Variants in NOS1 observed in about 807,000 individuals in gnomAD.
The protein encoded by NOS1 is nitric oxide synthase 1, also known as NOS type I.
In NOS1, 51 loss-of-function variants were observed where a neutral mutation model predicts 164.5. That is an observed-to-expected ratio of 0.31 (90% CI 0.25 to 0.39). The LOEUF (loss-of-function observed/expected upper bound fraction) is 0.39. Among genes scored for constraint, NOS1 ranks in the 10% least tolerant of loss-of-function variants. The pLI is 1.00. For synonymous variants in NOS1, 719 were observed against 745.8 expected, an observed-to-expected ratio of 0.96 and a Z score of 0.59; for missense variants, 1,362 against 1,885.6, an observed-to-expected ratio of 0.72 and a Z score of 5.14.
chr12:117,278,960 G>A (rs1392358940), intron 8 of NOS1, among the ~76,000 whole-genome samples: 1 of 150,008 alleles, frequency 6.7e-6, no homozygotes, highest in African/African-American at 2.4e-5. Flanking sequence ...TTATCAATAT[G>A]AGTGTATTTA....
chr12:117,226,556 A>G (rs1868692177), intron 24 of NOS1, 127 bp downstream of exon 24: 1 of 738,170 alleles, frequency 1.4e-6, no homozygotes, highest in East Asian at 2.7e-5. Context: ...GACGCAGGAC[A>G]TTGGTCTCCA....
intron 28 of NOS1, among the ~76,000 whole-genome samples, chr12:117,216,472 G>A (rs181859339): frequency 2.2e-3 from 339 of 151,524 alleles, no homozygotes; most frequent in Middle Eastern, 3.4e-3. Context: ...GTGAGCCATC[G>A]CGCCCGGCCT....
intron 2 of NOS1, among the ~76,000 whole-genome samples, chr12:117,328,768 C>T (rs993068351): frequency 6.6e-6 from 1 of 152,200 alleles, no homozygotes; most frequent in Non-Finnish European, 1.5e-5. Flanking sequence ...TTACATATAT[C>T]CCTAACAGAC....
At position 117,212,305 on chromosome 12, in the gene NOS1, C is replaced by T. The variant is rs1291058372; in HGVS notation, c.*3004G>A. On this transcript the variant is annotated 3_prime_UTR_variant, in exon 29 of 29. Coordinates refer to ENST00000317775, the MANE Select transcript of NOS1 (RefSeq NM_000620.5). ...ACTCTAAAAGGTCAAGTGAGCCGCC[C>T]ACAGCCATCTGCACCAACAGGGGCA... 3.0e-6 allele frequency: 3 copies of T among 985,256 alleles called. No homozygotes were observed. The African/African-American group carries it at 5.2e-5, about 17-fold the overall frequency. 61.0% of individuals were successfully genotyped at this position (985,256 alleles called of 1,614,324 possible). A position where few individuals can be genotyped will look rare whatever the true frequency, so the allele number is the denominator to read the frequency against.
At position 117,215,180 on chromosome 12, in the gene NOS1, G is replaced by C; in HGVS notation, c.*129C>G. 7.5e-7 allele frequency: 1 copy of C among 1,336,096 alleles called. No homozygotes were observed. Among genetic ancestry groups the C allele is most frequent in the African/African-American group, 1.5e-5 (1 of 67,228 alleles). 82.8% of individuals were successfully genotyped at this position (1,336,096 alleles called of 1,614,324 possible). A position where few individuals can be genotyped will look rare whatever the true frequency, so the allele number is the denominator to read the frequency against. ...AACCACTGAGGGGCGAGAAGCCCGAGGAGGGAAACCAGGGCACAGCGACAA... is the reference window on the plus strand; with the variant it reads ...AACCACTGAGGGGCGAGAAGCCCGACGAGGGAAACCAGGGCACAGCGACAA... On this transcript the variant is annotated 3_prime_UTR_variant, in exon 29 of 29. Transcript: ENST00000317775.
intron 1 of NOS1, among the ~76,000 whole-genome samples, chr12:117,335,782 A>G (rs1057481392): frequency 1.3e-5 from 1 of 77,702 alleles, no homozygotes; most frequent in Non-Finnish European, 2.7e-5. Flanking sequence ...CAGGGTCTTG[A>G]TATCTTGCCC....
chr12:117,208,547 G>A lies in NOS1; in HGVS notation c.*6762C>T, dbSNP rs1339331855. On this transcript the variant is annotated 3_prime_UTR_variant, in exon 29 of 29. Transcript: ENST00000317775. ...AACCACTGCTGAGCCAGGAGTGTGA[G>A]TCTTAACAATCACAACGAGAACACA... The A allele has an allele frequency of 1.7e-4, 201 of 1,210,332 alleles. 1 individual carries two copies. Among genetic ancestry groups the A allele is most frequent in the Non-Finnish European group, 2.1e-4 (196 of 948,108 alleles). 75.0% of individuals were successfully genotyped at this position (1,210,332 alleles called of 1,614,324 possible). A position where few individuals can be genotyped will look rare whatever the true frequency, so the allele number is the denominator to read the frequency against.
intron 2 of NOS1, among the ~76,000 whole-genome samples, chr12:117,326,169 T>C (rs1460470153): frequency 6.6e-6 from 1 of 151,800 alleles, no homozygotes; most frequent in East Asian, 2.0e-4. Flanking sequence ...GCGGATCACC[T>C]GAGGTCAGGA....
Position 117,231,960 on chromosome 12 carries a change from A to C in NOS1, c.3405+2T>G. ...AGGGTTGTGCGAAGCCTGGGGACCCACCTTGCTGAGGACCAGCAGACGCTG... is the reference window on the plus strand; with the variant it reads ...AGGGTTGTGCGAAGCCTGGGGACCCCCCTTGCTGAGGACCAGCAGACGCTG... On this transcript the variant is annotated splice_donor_variant, in intron 22 of 28. Transcript: ENST00000317775. LOFTEE classifies it high-confidence loss of function. 6.2e-7 allele frequency: 1 copy of C among 1,611,124 alleles called. No homozygotes were observed. Among genetic ancestry groups the C allele is most frequent in the Non-Finnish European group, 8.5e-7 (1 of 1,179,032 alleles).
intron 24 of NOS1, among the ~76,000 whole-genome samples, chr12:117,226,290 G>A (rs59520312): frequency 1.3e-5 from 2 of 152,152 alleles, no homozygotes; most frequent in Non-Finnish European, 2.9e-5. Context: ...TCCAATGAAT[G>A]GGGGTGATTG....
In NOS1 at chr12:117,335,729, TGAGAGAGA is replaced by T. The variant is rs60613906; in HGVS notation, c.-420-4248_-420-4241del. 3.4e-3 allele frequency among the ~76,000 whole-genome samples: 382 copies of T among 112,588 alleles called. 3 individuals are homozygous for T. The highest frequency in any genetic ancestry group is 9.9e-3 in the African/African-American group (278 of 28,028). 73.9% of individuals were successfully genotyped at this position (112,588 alleles called of 152,430 possible). A position where few individuals can be genotyped will look rare whatever the true frequency, so the allele number is the denominator to read the frequency against. ...TTTTATTTAATTGTTACAGACTATATGAGAGAGAGAGAGAGAGAGAGAGAGAGAGAGAG... is the reference window on the plus strand; with the variant it reads ...TTTTATTTAATTGTTACAGACTATATGAGAGAGAGAGAGAGAGAGAGAGAG... On this transcript the variant is annotated intron_variant, in intron 1 of 28. Transcript: ENST00000317775.
Position 117,232,097 on chromosome 12 carries a change from G to A in NOS1, c.3270C>T (p.Leu1090=), listed in dbSNP as rs748339428. ...VISNWTDELR[L]PPCTIFQAFK... is the part of the protein sequence containing the mutation. ...AGGCCTGGAAGATGGTGCAGGGCGG[G>A]AGGCGGAGCTCGTCTGTCCAGTTAC... Residue 1090 remains leucine, a synonymous_variant, in exon 22 of 29, where the codon CTC becomes CTT. Coordinates refer to ENST00000317775, the MANE Select transcript of NOS1 (RefSeq NM_000620.5). The A allele has an allele frequency of 2.5e-6, 4 of 1,612,108 alleles. No homozygotes were observed. The highest frequency in any genetic ancestry group is 3.4e-6 in the Non-Finnish European group (4 of 1,179,928).
intron 9 of NOS1, among the ~76,000 whole-genome samples, chr12:117,273,862 A>G (rs534156923): frequency 1.1e-4 from 17 of 152,138 alleles, no homozygotes; most frequent in Non-Finnish European, 2.2e-4. Flanking sequence ...TGAGACCAGA[A>G]ACTATAAAAC....
intron 1 of NOS1, among the ~76,000 whole-genome samples, chr12:117,335,385 CT>C (rs1875758057): frequency 6.6e-6 from 1 of 152,170 alleles, no homozygotes; most frequent in African/African-American, 2.4e-5. Context: ...CATATGCATG[CT>C]TGCCAGGGTA....
At chr12:117,269,926 A>G (rs2135994718) in intron 10 of NOS1, among the ~76,000 whole-genome samples, 1 of 152,250 alleles carries the variant, frequency 6.6e-6, no homozygotes, top group African/African-American at 2.4e-5. Flanking sequence ...ACTCCATCTG[A>G]CACATGGGGA....
At chr12:117,302,594 C>CAAAAAAAA in intron 3 of NOS1, among the ~76,000 whole-genome samples, 1 of 72,966 alleles carries the variant, frequency 1.4e-5, no homozygotes, top group South Asian at 5.1e-4. Context: ...GACTCCGTCT[C>CAAAAAAAA]AAAAAAAAAA....
At position 117,253,721 on chromosome 12, in the gene NOS1, G is replaced by A. The variant is rs376834281; in HGVS notation, c.2565C>T (p.Ser855=). Residue 855 remains serine, a synonymous_variant, in exon 17 of 29, where the codon TCC becomes TCT. Transcript: ENST00000317775. ...CTGATGATTTTTGGGAGTCAGAGTAGGAGGAGACGCTGTTGAATCGGACCT... is the reference window on the plus strand; with the variant it reads ...CTGATGATTTTTGGGAGTCAGAGTAAGAGGAGACGCTGTTGAATCGGACCT... ...SYKVRFNSVS[S]YSDSQKSSGD... 13 of 1,613,926 alleles carry A rather than the reference G, an allele frequency of 8.1e-6. No homozygotes were observed. In the African/African-American group the frequency reaches 1.5e-4, roughly 18 times the overall value.
In NOS1 at chr12:117,210,996, AC is replaced by A; in HGVS notation, c.*4312del. On this transcript the variant is annotated 3_prime_UTR_variant, in exon 29 of 29. Coordinates refer to ENST00000317775, the MANE Select transcript of NOS1 (RefSeq NM_000620.5). Reference sequence around the variant, plus strand: ...TTTGAGATAAGAGTCTTGCTCTGTCACCCAGGCTGGAGTGCAGTGGTACAAT... The same window carrying A: ...TTTGAGATAAGAGTCTTGCTCTGTCACCAGGCTGGAGTGCAGTGGTACAAT... 1 of 919,652 alleles carries A rather than the reference AC, an allele frequency of 1.1e-6. No individual in the cohort carries two copies. Among genetic ancestry groups the A allele is most frequent in the Non-Finnish European group, 1.3e-6 (1 of 770,450 alleles). 57.0% of individuals were successfully genotyped at this position (919,652 alleles called of 1,614,324 possible). A position where few individuals can be genotyped will look rare whatever the true frequency, so the allele number is the denominator to read the frequency against.
intron 2 of NOS1, among the ~76,000 whole-genome samples, chr12:117,329,554 T>C (rs1204026230): frequency 6.6e-6 from 1 of 152,142 alleles, no homozygotes; most frequent in Non-Finnish European, 1.5e-5. Flanking sequence ...GAAACTTCTC[T>C]CTGTGTTTAA....
Sources: gnomAD v4.1 joint callset for allele counts (sites outside exome capture counted in the v4.1 genomes callset) on GRCh38, gnomAD v4.1.1 for gene constraint, MANE v1.5 for transcripts, NCBI Gene and HGNC (gene_info 2026-07-23, HGNC 2026-07-21) for gene names.